The following INSYN2B variants were observed in gnomAD, a reference collection of about 807,000 sequenced individuals.
INSYN2B encodes protein INSYN2B.
INSYN2B carries 16 observed loss-of-function variants against 41.2 expected under a neutral mutation model. That is an observed-to-expected ratio of 0.39 (90% CI 0.26 to 0.59). INSYN2B has a LOEUF of 0.59. INSYN2B is among the 20% of genes least tolerant of loss of function. The pLI is 0.57. For missense variants in INSYN2B, 608 were observed against 646.4 expected (o/e 0.94, Z 0.64); for synonymous variants, 245 against 244.4 (o/e 1.00, Z -0.02).
chr5:169,976,418 C>A (rs1235926927), intron 1 of INSYN2B, among the ~76,000 whole-genome samples: 2 of 152,182 alleles, frequency 1.3e-5, no homozygotes, highest in African/African-American at 2.4e-5. Context: ...TGACAGGATT[C>A]AGTAACTGCT....
chr5:169,863,354 A>T lies in INSYN2B; in HGVS notation c.*919T>A, dbSNP rs1034632195. Among the ~76,000 whole-genome samples, 1 of 152,232 alleles carries T rather than the reference A, an allele frequency of 6.6e-6. No homozygotes were observed. The highest frequency in any genetic ancestry group is 2.4e-5 in the African/African-American group (1 of 41,468). ...GGGATGAGAAACAGTGTTGTGTTTT[A>T]TCTTAGCCTTATCTATGTTACTCAT... On this transcript the variant is annotated 3_prime_UTR_variant, in exon 4 of 4. Transcript: ENST00000377365.
chr5:169,978,375 A>ATGTG (rs70979152), intron 1 of INSYN2B, among the ~76,000 whole-genome samples: 476 of 25,760 alleles, frequency 0.018, 89 homozygotes, highest in African/African-American at 0.058. Flanking sequence ...GGCTCTGTGT[A>ATGTG]TGTGTGTGTG....
In INSYN2B at chr5:169,879,107, G is replaced by A. The variant is rs75007132; in HGVS notation, c.1421+2261C>T. Among the ~76,000 whole-genome samples the A allele has an allele frequency of 2.8e-4, 43 of 152,266 alleles. No individual in the cohort carries two copies. In the East Asian group the frequency reaches 7.9e-3, roughly 28 times the overall value. ...TAGCCTCCAGCTGCTGGAGCCTCTG[G>A]GAAATACCACTTAGGAAACCGTATG... On this transcript the variant is annotated intron_variant, in intron 3 of 3. Transcript: ENST00000377365.
intron 1 of INSYN2B, among the ~76,000 whole-genome samples, chr5:169,921,837 G>A (rs1307487586): frequency 1.3e-5 from 2 of 152,162 alleles, no homozygotes; most frequent in African/African-American, 4.8e-5. Flanking sequence ...TTTCTCAATT[G>A]AATAGTGCAC....
intron 1 of INSYN2B, among the ~76,000 whole-genome samples, chr5:169,916,392 T>G (rs1378722549): frequency 6.6e-6 from 1 of 152,192 alleles, no homozygotes; most frequent in Non-Finnish European, 1.5e-5. Flanking sequence ...TTTCTGGCCC[T>G]CCTATCACCC....
intron 3 of INSYN2B, among the ~76,000 whole-genome samples, chr5:169,869,080 A>G (rs912518499): frequency 3.9e-5 from 6 of 152,190 alleles, no homozygotes; most frequent in African/African-American, 1.2e-4. Context: ...ATCACTGCAC[A>G]TGGAACACTG....
chr5:169,925,353 G>A (rs1193928425), intron 1 of INSYN2B, among the ~76,000 whole-genome samples: 2 of 152,094 alleles, frequency 1.3e-5, no homozygotes, highest in East Asian at 3.9e-4. Flanking sequence ...AGGCTGAGGT[G>A]GGCAGATCAC....
chr5:169,906,934 C>G (rs536802441), intron 1 of INSYN2B, among the ~76,000 whole-genome samples: 1 of 152,160 alleles, frequency 6.6e-6, no homozygotes, highest in Non-Finnish European at 1.5e-5. Flanking sequence ...GAGGGAAATA[C>G]TATCATTCAA....
intron 1 of INSYN2B, among the ~76,000 whole-genome samples, chr5:169,893,258 C>A (rs1276129216): frequency 2.6e-5 from 4 of 152,210 alleles, no homozygotes; most frequent in Admixed American, 6.5e-5. Flanking sequence ...GCTGCTGCTG[C>A]TGAATCTGAA....
chr5:169,895,541 TG>T (rs1773548391), intron 1 of INSYN2B, among the ~76,000 whole-genome samples: 2 of 152,062 alleles, frequency 1.3e-5, no homozygotes, highest in South Asian at 2.1e-4. Flanking sequence ...CCTCTTCTTT[TG>T]GGGGTAGGAT....
At chr5:169,866,845 T>C (rs908889784) in intron 3 of INSYN2B, among the ~76,000 whole-genome samples, 1 of 152,242 alleles carries the variant, frequency 6.6e-6, no homozygotes, top group African/African-American at 2.4e-5. Flanking sequence ...TGACCAAATG[T>C]GTGGGAGTTT....
chr5:169,977,707 C>G (rs1056976589), intron 1 of INSYN2B, among the ~76,000 whole-genome samples: 2 of 152,182 alleles, frequency 1.3e-5, no homozygotes, highest in African/African-American at 4.8e-5. Flanking sequence ...GCTCATTGCT[C>G]CATGCCTCGC....
intron 1 of INSYN2B, among the ~76,000 whole-genome samples, chr5:169,908,713 C>CTT (rs34261104): frequency 4.9e-4 from 52 of 105,060 alleles, no homozygotes; most frequent in Non-Finnish European, 6.9e-4. Context: ...TTTCTTTTTT[C>CTT]TTTTTTTTTT....
At chr5:169,969,957 A>G (rs1049181073) in intron 1 of INSYN2B, among the ~76,000 whole-genome samples, 1 of 152,252 alleles carries the variant, frequency 6.6e-6, no homozygotes, top group Non-Finnish European at 1.5e-5. Flanking sequence ...AACAAATTCA[A>G]ATGTTTTAAA....
At chr5:169,916,647 G>T (rs1774889059) in intron 1 of INSYN2B, among the ~76,000 whole-genome samples, 1 of 150,976 alleles carries the variant, frequency 6.6e-6, no homozygotes, top group Admixed American at 6.6e-5. Flanking sequence ...GCACATAGTA[G>T]GTATTAGGTT....
intron 3 of INSYN2B, among the ~76,000 whole-genome samples, chr5:169,872,062 C>T (rs1446366905): frequency 1.3e-5 from 2 of 152,208 alleles, no homozygotes; most frequent in Admixed American, 1.3e-4. Context: ...ATCAACTACA[C>T]TCTAAGCAAG....
At chr5:169,962,881 G>A in intron 1 of INSYN2B, among the ~76,000 whole-genome samples, 1 of 152,144 alleles carries the variant, frequency 6.6e-6, no homozygotes, top group South Asian at 2.1e-4. Context: ...CCAGAACAGA[G>A]AAAGCCTTAG....
intron 3 of INSYN2B, chr5:169,875,423 A>G (rs1772268430): frequency 2.5e-6 from 1 of 401,228 alleles, no homozygotes; most frequent in Admixed American, 2.9e-5. Flanking sequence ...GGCTGAGTGG[A>G]ACTCAGTGAC....
At chr5:169,898,276 C>T (rs527929818) in intron 1 of INSYN2B, among the ~76,000 whole-genome samples, 13 of 152,276 alleles carry the variant, frequency 8.5e-5, no homozygotes, top group South Asian at 2.1e-4. Flanking sequence ...ATGGGGGCTC[C>T]GCTTGGGAAG....
Sources: gnomAD v4.1 joint callset for allele counts (sites outside exome capture counted in the v4.1 genomes callset) on GRCh38, gnomAD v4.1.1 for gene constraint, MANE v1.5 for transcripts, NCBI Gene and HGNC (gene_info 2026-07-23, HGNC 2026-07-21) for gene names.